Variants in FSTL5 observed in about 807,000 individuals in gnomAD.
The protein encoded by FSTL5 is follistatin like 5, also known as follistatin-related protein 5.
FSTL5 carries 62 observed loss-of-function variants against 89.1 expected under a neutral mutation model. That is an observed-to-expected ratio of 0.70 (90% CI 0.57 to 0.86). FSTL5 has a LOEUF of 0.86. FSTL5 is among the 40% of genes least tolerant of loss of function. The pLI, the probability that FSTL5 is intolerant of heterozygous loss-of-function variation, is 0.00. For synonymous variants in FSTL5, 383 were observed against 346.2 expected, an observed-to-expected ratio of 1.11 and a Z score of -1.18; for missense variants, 1,057 against 1,001.6, an observed-to-expected ratio of 1.06 and a Z score of -0.75.
At chr4:161,742,172 G>A (rs1028773657) in intron 6 of FSTL5, among the ~76,000 whole-genome samples, 2 of 152,164 alleles carry the variant, frequency 1.3e-5, no homozygotes, top group Non-Finnish European at 2.9e-5. Flanking sequence ...AGTTATTTGA[G>A]AGAAAACTTG....
intron 15 of FSTL5, among the ~76,000 whole-genome samples, chr4:161,425,447 C>G (rs371769946): frequency 6.6e-6 from 1 of 152,100 alleles, no homozygotes; most frequent in East Asian, 1.9e-4. Context: ...TTTATTTATA[C>G]TTAAGGGTAC....
intron 4 of FSTL5, among the ~76,000 whole-genome samples, chr4:161,780,641 T>C (rs1030495483): frequency 1.3e-5 from 2 of 152,184 alleles, no homozygotes; most frequent in South Asian, 4.1e-4. Flanking sequence ...CATCTGGCCT[T>C]GTGGGTCCTG....
intron 7 of FSTL5, among the ~76,000 whole-genome samples, chr4:161,626,869 T>C (rs1231274208): frequency 6.6e-6 from 1 of 152,154 alleles, no homozygotes; most frequent in African/African-American, 2.4e-5. Flanking sequence ...ACAGATGTGA[T>C]GCAAATAGCA....
intron 2 of FSTL5, among the ~76,000 whole-genome samples, chr4:162,040,227 C>T (rs1006690438): frequency 6.6e-5 from 10 of 152,004 alleles, no homozygotes; most frequent in African/African-American, 2.4e-4. Context: ...AATTTGTTCT[C>T]ATGTGCTATA....
intron 1 of FSTL5, among the ~76,000 whole-genome samples, chr4:162,140,195 C>A (rs1258206149): frequency 2.0e-5 from 3 of 151,966 alleles, no homozygotes; most frequent in African/African-American, 7.3e-5. Flanking sequence ...TAAATAGGCA[C>A]AATCACTTTA....
intron 4 of FSTL5, among the ~76,000 whole-genome samples, chr4:161,851,860 AG>A (rs1468407187): frequency 6.6e-6 from 1 of 150,382 alleles, no homozygotes; most frequent in Non-Finnish European, 1.5e-5. Flanking sequence ...AAAGTAAAAT[AG>A]AATAAAGGAA....
chr4:161,865,787 C>T (rs1560889013), intron 4 of FSTL5, among the ~76,000 whole-genome samples: 1 of 134,796 alleles, frequency 7.4e-6, no homozygotes, highest in Admixed American at 7.5e-5. Context: ...TCTAGAATAG[C>T]AATAAAAAAA....
intron 8 of FSTL5, among the ~76,000 whole-genome samples, chr4:161,547,162 A>G (rs978869713): frequency 2.6e-5 from 4 of 152,152 alleles, no homozygotes; most frequent in Admixed American, 2.6e-4. Context: ...GCCAATAGCC[A>G]CGTGAGTGAG....
intron 2 of FSTL5, among the ~76,000 whole-genome samples, chr4:162,060,368 G>C (rs56686107): frequency 6.6e-6 from 1 of 152,144 alleles, no homozygotes; most frequent in African/African-American, 2.4e-5. Flanking sequence ...CCTTCGAGTT[G>C]TGAAATGGTG....
intron 6 of FSTL5, among the ~76,000 whole-genome samples, chr4:161,732,356 G>C (rs936633536): frequency 6.6e-6 from 1 of 151,852 alleles, no homozygotes; most frequent in African/African-American, 2.4e-5. Flanking sequence ...TTGTTCCCCT[G>C]TTATTGGGTG....
intron 1 of FSTL5, among the ~76,000 whole-genome samples, chr4:162,118,131 A>T (rs1731715954): frequency 6.6e-6 from 1 of 152,188 alleles, no homozygotes; most frequent in African/African-American, 2.4e-5. Flanking sequence ...CTTCTCTAAC[A>T]TCCATCAGGC....
At chr4:161,479,517 A>G (rs1042223527) in intron 13 of FSTL5, among the ~76,000 whole-genome samples, 5 of 152,166 alleles carry the variant, frequency 3.3e-5, no homozygotes, top group Non-Finnish European at 7.4e-5. Flanking sequence ...AGGAGTTTTG[A>G]TAATCCCAAA....
intron 15 of FSTL5, among the ~76,000 whole-genome samples, chr4:161,442,728 A>T (rs1732814282): frequency 6.6e-6 from 1 of 152,090 alleles, no homozygotes; most frequent in African/African-American, 2.4e-5. Context: ...GGGAAAAGGA[A>T]AATAGCGTTT....
At chr4:161,784,642 C>G (rs1380744494) in intron 4 of FSTL5, among the ~76,000 whole-genome samples, 1 of 151,924 alleles carries the variant, frequency 6.6e-6, no homozygotes, top group Non-Finnish European at 1.5e-5. Context: ...CGCCTGTAAT[C>G]CCAGCACTTT....
Position 161,552,851 on chromosome 4 carries a change from T to C in FSTL5, c.1016-10158A>G, listed in dbSNP as rs538534632. On this transcript the variant is annotated intron_variant, in intron 8 of 15. Coordinates refer to ENST00000306100, the MANE Select transcript of FSTL5 (RefSeq NM_020116.5). The stretch of plus-strand genomic sequence containing the variant: ...TTCCCAGGATACATATTATGAAATA[T>C]AAATGAGGACTGATGGCAGCCTGAA... Among the ~76,000 whole-genome samples the C allele has an allele frequency of 4.6e-5, 7 of 151,684 alleles. 1 individual carries two copies. The highest frequency in any genetic ancestry group is 6.6e-5 in the Admixed American group (1 of 15,176).
intron 11 of FSTL5, among the ~76,000 whole-genome samples, chr4:161,503,384 T>C (rs2126488930): frequency 6.6e-6 from 1 of 152,008 alleles, no homozygotes; most frequent in African/African-American, 2.4e-5. Flanking sequence ...TTTAATTTTC[T>C]ATGATATAAA....
chr4:161,458,694 G>A (rs544613597), intron 14 of FSTL5, among the ~76,000 whole-genome samples: 1 of 151,974 alleles, frequency 6.6e-6, no homozygotes, highest in Non-Finnish European at 1.5e-5. Context: ...TGCTCCAAAG[G>A]GTCATGACCA....
chr4:161,719,178 T>C (rs1474634319), intron 6 of FSTL5, among the ~76,000 whole-genome samples: 1 of 152,216 alleles, frequency 6.6e-6, no homozygotes, highest in African/African-American at 2.4e-5. Flanking sequence ...TATCCTGTTT[T>C]CTCAACAACA....
At chr4:161,525,235 G>T (rs901124482) in intron 10 of FSTL5, among the ~76,000 whole-genome samples, 3 of 152,112 alleles carry the variant, frequency 2.0e-5, no homozygotes, top group African/African-American at 7.2e-5. Context: ...ATAGAGAATT[G>T]ATGTATTCAG....
Sources: allele counts gnomAD v4.1 joint callset (sites outside exome capture counted in the v4.1 genomes callset), GRCh38; gene constraint gnomAD v4.1.1; transcripts MANE v1.5; gene names NCBI Gene and HGNC (gene_info 2026-07-23, HGNC 2026-07-21).